The following PAX5 variants were observed in gnomAD, a reference collection of about 807,000 sequenced individuals.
The protein encoded by PAX5 is paired box protein Pax-5.
Under a neutral mutation model 43.7 loss-of-function variants are expected in PAX5, and 9 were observed. The ratio of observed to expected loss-of-function variants is 0.21; its 90% CI spans 0.12 to 0.36. PAX5 has a LOEUF of 0.36. PAX5 is among the 10% of genes least tolerant of loss of function. The probability of loss-of-function intolerance (pLI) is 1.00; values close to 1 mark genes in which losing one functional copy is unlikely to be tolerated. For missense variants in PAX5, 383 were observed against 532.7 expected (o/e 0.72, Z 2.77); for synonymous variants, 228 against 214.3 (o/e 1.06, Z -0.56).
At position 36,840,553 on chromosome 9, in the gene PAX5, C is replaced by G. The variant is rs1301157001; in HGVS notation, c.*7G>C. On this transcript the variant is annotated 3_prime_UTR_variant, in exon 10 of 10. Coordinates refer to ENST00000358127, the MANE Select transcript of PAX5 (RefSeq NM_016734.3). ...ATCAGTGTTTGGTGCCCGCCTGGCT[C>G]CAAGGGTCAGTGACGGTCATAGGCA... 2.5e-6 allele frequency: 4 copies of G among 1,581,952 alleles called. No individual in the cohort carries two copies. Among genetic ancestry groups the G allele is most frequent in the African/African-American group, 2.7e-5 (2 of 74,636 alleles).
chr9:36,837,332 C>T lies in PAX5; in HGVS notation c.*3228G>A, dbSNP rs190448882. On this transcript the variant is annotated 3_prime_UTR_variant, in exon 10 of 10. Transcript: ENST00000358127. ...GGAAGGGCTAGCCTTAACTAAGGTG[C>T]CTTGGGAAAGGGATGTTGGGTTTGA... 4.3e-6 allele frequency: 1 copy of T among 233,242 alleles called. No individual in the cohort carries two copies. The highest frequency in any genetic ancestry group is 8.5e-6 in the Non-Finnish European group (1 of 118,022). 14.4% of individuals were successfully genotyped at this position (233,242 alleles called of 1,614,324 possible).
At chr9:36,919,348 ATGT>A (rs1413714344) in intron 7 of PAX5, among the ~76,000 whole-genome samples, 3 of 152,216 alleles carry the variant, frequency 2.0e-5, no homozygotes. Flanking sequence ...AAGGAGATGA[ATGT>A]TGTTTTCATG....
intron 5 of PAX5, among the ~76,000 whole-genome samples, chr9:36,967,453 G>A (rs541661464): frequency 6.6e-6 from 1 of 152,324 alleles, no homozygotes; most frequent in African/African-American, 2.4e-5. Context: ...ATTTGTGGGG[G>A]GTTGGTTAAC....
At position 36,840,607 on chromosome 9, in the gene PAX5, G is replaced by T. The variant is rs377685637; in HGVS notation, c.1129C>A (p.Arg377=). The change falls in exon 10 of 10, where the codon CGA becomes AGA. Residue 377 remains arginine, a synonymous_variant. Transcript: ENST00000358127. ...GSPYYYSAAA[R]GAAPPAAATA... ...GCGGCTGCAGGTGGGGCGGCTCCTC[G>T]GGCGGCAGCGCTATAATAGTAGGGG... The T allele has an allele frequency of 5.1e-6, 8 of 1,579,104 alleles. No homozygotes were observed. Among genetic ancestry groups the T allele is most frequent in the Non-Finnish European group, 6.9e-6 (8 of 1,163,454 alleles).
At chr9:36,855,444 C>CA (rs1433406629) in intron 8 of PAX5, among the ~76,000 whole-genome samples, 1 of 152,220 alleles carries the variant, frequency 6.6e-6, no homozygotes, top group Non-Finnish European at 1.5e-5. Flanking sequence ...TGCTGTGGTC[C>CA]TATTCCAAAA....
intron 5 of PAX5, among the ~76,000 whole-genome samples, chr9:36,996,380 C>T (rs1239709038): frequency 6.6e-6 from 1 of 152,256 alleles, no homozygotes; most frequent in Non-Finnish European, 1.5e-5. Flanking sequence ...TTAAGTAACT[C>T]GCTACAAGAA....
intron 5 of PAX5, among the ~76,000 whole-genome samples, chr9:37,000,060 T>C (rs1393251934): frequency 6.6e-6 from 1 of 152,114 alleles, no homozygotes; most frequent in Non-Finnish European, 1.5e-5. Flanking sequence ...GCTGTATGGC[T>C]GTGTAGCCTC....
chr9:36,888,412 T>C (rs977562417), intron 7 of PAX5, among the ~76,000 whole-genome samples: 1 of 152,196 alleles, frequency 6.6e-6, no homozygotes, highest in African/African-American at 2.4e-5. Flanking sequence ...AGTATGTCCA[T>C]ACAATGGAAT....
At chr9:36,884,957 G>A (rs552410094) in intron 7 of PAX5, among the ~76,000 whole-genome samples, 3 of 152,280 alleles carry the variant, frequency 2.0e-5, no homozygotes, top group African/African-American at 7.2e-5. Flanking sequence ...CTCTGCCTCC[G>A]AGTTCCCATC....
chr9:36,935,669 G>A (rs1831491518), intron 6 of PAX5, among the ~76,000 whole-genome samples: 1 of 152,202 alleles, frequency 6.6e-6, no homozygotes, highest in African/African-American at 2.4e-5. Flanking sequence ...ATTTTAGTAA[G>A]CCCCAAATCT....
In PAX5 at chr9:36,834,977, C is replaced by G. The variant is rs1249744597; in HGVS notation, c.*5583G>C. ...TTCACCTGCTTCCCTCCCTGGGCCC[C>G]GATCAGCCACCGGAAGCTGATGGGT... On this transcript the variant is annotated 3_prime_UTR_variant, in exon 10 of 10. Coordinates refer to ENST00000358127, the MANE Select transcript of PAX5 (RefSeq NM_016734.3). The G allele has an allele frequency of 8.6e-6, 2 of 233,228 alleles. No individual in the cohort carries two copies. Among genetic ancestry groups the G allele is most frequent in the Admixed American group, 1.1e-4 (2 of 17,782 alleles). The allele number at this position is 233,228 out of a possible 1,614,324, so 14.4% of individuals were successfully genotyped here.
chr9:36,928,692 G>A (rs540036038), intron 6 of PAX5, among the ~76,000 whole-genome samples: 16 of 151,960 alleles, frequency 1.1e-4, no homozygotes, highest in African/African-American at 2.4e-4. Flanking sequence ...ACCCCACATC[G>A]AGTCAGGTCA....
Position 36,882,955 on chromosome 9 carries a change from T to C in PAX5, c.911-850A>G, listed in dbSNP as rs1306696900. The stretch of plus-strand genomic sequence containing the variant: ...TGCACAGTTTTGATGGGTGTGCATG[T>C]TGGGGTAGAGGCCAGGACCACATAA... On this transcript the variant is annotated intron_variant, in intron 7 of 9. Coordinates refer to ENST00000358127, the MANE Select transcript of PAX5 (RefSeq NM_016734.3). This position sits in a 1 kb window ranked among gnomAD's most constrained non-coding sequence, Gnocchi z 4.4. 6.6e-6 allele frequency among the ~76,000 whole-genome samples: 1 copy of C among 152,228 alleles called. No individual in the cohort carries two copies. The highest frequency in any genetic ancestry group is 1.5e-5 in the Non-Finnish European group (1 of 68,040).
At chr9:36,872,151 C>T (rs985818119) in intron 8 of PAX5, among the ~76,000 whole-genome samples, 16 of 152,198 alleles carry the variant, frequency 1.1e-4, no homozygotes, top group Admixed American at 5.2e-4. Context: ...TCTGGGCCTT[C>T]CCGATCGAGA....
intron 8 of PAX5, among the ~76,000 whole-genome samples, chr9:36,867,504 A>T (rs955025093): frequency 6.6e-6 from 1 of 152,174 alleles, no homozygotes; most frequent in African/African-American, 2.4e-5. Context: ...ATTATACATG[A>T]AAGGGGCACA....
Position 36,869,847 on chromosome 9 carries a change from A to AATGGATGGATGGATGGATGG in PAX5, c.1012+12137_1012+12156dup, listed in dbSNP as rs113287865. Among the ~76,000 whole-genome samples the AATGGATGGATGGATGGATGG allele has an allele frequency of 1.6e-3, 183 of 117,932 alleles. 10 individuals carry two copies. The highest frequency in any genetic ancestry group is 6.0e-3 in the African/African-American group (168 of 27,878). The allele number at this position is 117,932 out of a possible 152,430, so 77.4% of individuals were successfully genotyped here. The stretch of plus-strand genomic sequence containing the variant: ...GGATGAATAGATGGATGGATGGATA[A>AATGGATGGATGGATGGATGG]ATGGATGGATGGATGGATGGATGGA... On this transcript the variant is annotated intron_variant, in intron 8 of 9. Transcript: ENST00000358127.
At chr9:36,868,735 G>A (rs752843501) in intron 8 of PAX5, among the ~76,000 whole-genome samples, 5 of 152,102 alleles carry the variant, frequency 3.3e-5, no homozygotes, top group South Asian at 2.1e-4. Context: ...GGACACCGGA[G>A]GCTCAGAGAC....
intron 5 of PAX5, among the ~76,000 whole-genome samples, chr9:36,979,503 G>A (rs527776776): frequency 5.8e-4 from 89 of 152,204 alleles, no homozygotes; most frequent in Non-Finnish European, 9.7e-4. Context: ...GATAACAATC[G>A]CACCCCTCAA....
At chr9:36,843,822 G>C (rs754352607) in intron 9 of PAX5, among the ~76,000 whole-genome samples, 2 of 152,214 alleles carry the variant, frequency 1.3e-5, no homozygotes, top group Non-Finnish European at 2.9e-5. Flanking sequence ...GGTGGCAAAG[G>C]CATCCAGCTT....
Sources: allele counts gnomAD v4.1 joint callset (sites outside exome capture counted in the v4.1 genomes callset), GRCh38; gene constraint gnomAD v4.1.1; non-coding constraint Gnocchi (gnomAD v3.1); transcripts MANE v1.5; gene names NCBI Gene and HGNC (gene_info 2026-07-23, HGNC 2026-07-21).